OR9Q1: variants seen among roughly 807,000 people sequenced by gnomAD.
OR9Q1 encodes the protein olfactory receptor 9Q1.
For synonymous variants in OR9Q1, 153 were observed against 148.6 expected, an observed-to-expected ratio of 1.03 and a Z score of -0.22; for missense variants, 374 against 378.8, an observed-to-expected ratio of 0.99 and a Z score of 0.11.
chr11:58,027,558 T>C (rs561550208), intron 1 of OR9Q1, among the ~76,000 whole-genome samples: 6 of 152,212 alleles, frequency 3.9e-5, no homozygotes, highest in African/African-American at 1.4e-4. Flanking sequence ...TTAAATCTGA[T>C]CCTTTACAGA....
At chr11:58,092,194 T>C (rs1187893866) in intron 2 of OR9Q1, among the ~76,000 whole-genome samples, 1 of 152,184 alleles carries the variant, frequency 6.6e-6, no homozygotes, top group East Asian at 1.9e-4. Flanking sequence ...ATCATGATGC[T>C]AGCTGGTTAT....
chr11:58,150,693 T>A (rs926641118), intron 2 of OR9Q1, among the ~76,000 whole-genome samples: 1 of 152,212 alleles, frequency 6.6e-6, no homozygotes, highest in African/African-American at 2.4e-5. Context: ...TATATAAAAC[T>A]ATAGCACATA....
At chr11:58,064,523 C>T (rs761264646) in intron 2 of OR9Q1, among the ~76,000 whole-genome samples, 5 of 152,132 alleles carry the variant, frequency 3.3e-5, no homozygotes, top group Non-Finnish European at 5.9e-5. Flanking sequence ...CCTCCAACCA[C>T]GCCCAGGAGA....
intron 1 of OR9Q1, chr11:58,043,978 G>A (rs1166374296): frequency 6.6e-6 from 1 of 152,120 alleles, no homozygotes; most frequent in Non-Finnish European, 1.5e-5. Context: ...GGTGCCAGTT[G>A]ATATCTGTTG....
intron 1 of OR9Q1, among the ~76,000 whole-genome samples, chr11:58,037,667 ATATATATATATATATATATAT>A (rs1223898893): frequency 6.4e-4 from 4 of 6,232 alleles, no homozygotes; most frequent in Non-Finnish European, 2.0e-3. Context: ...ATATATATAT[ATATATATATATATATATATAT>A]ATTTTTTTTT....
At chr11:58,034,821 C>CCTTCCTTCCTTCCTTCCTTCCTTCCTTT (rs1565055262) in intron 1 of OR9Q1, among the ~76,000 whole-genome samples, 1 of 138,892 alleles carries the variant, frequency 7.2e-6, no homozygotes, top group Non-Finnish European at 1.5e-5. Context: ...TTCCTTCCTT[C>CCTTCCTTCCTTCCTTCCTTCCTTCCTTT]CTTGCTTCCT....
At chr11:58,093,952 C>T (rs11486271) in intron 2 of OR9Q1, among the ~76,000 whole-genome samples, 20 of 151,892 alleles carry the variant, frequency 1.3e-4, no homozygotes, top group African/African-American at 4.8e-4. Context: ...GATATCTACC[C>T]AAAGGAAAAG....
At chr11:58,090,515 A>C (rs1853674101) in intron 2 of OR9Q1, among the ~76,000 whole-genome samples, 1 of 152,156 alleles carries the variant, frequency 6.6e-6, no homozygotes, top group African/African-American at 2.4e-5. Flanking sequence ...GTGGTGGATA[A>C]GCTTTTTGAT....
intron 2 of OR9Q1, chr11:58,109,710 C>A (rs956111297): frequency 1.3e-5 from 5 of 388,812 alleles, no homozygotes; most frequent in Non-Finnish European, 2.5e-5. Flanking sequence ...AATTGAGATT[C>A]CAGAACTAAA....
intron 1 of OR9Q1, among the ~76,000 whole-genome samples, chr11:58,053,141 C>T (rs1019311227): frequency 6.6e-6 from 1 of 151,716 alleles, no homozygotes; most frequent in Non-Finnish European, 1.5e-5. Context: ...TATAAAGACA[C>T]ATGCACACGT....
intron 2 of OR9Q1, chr11:58,119,107 A>G (rs2120129604): frequency 6.2e-7 from 1 of 1,613,952 alleles, no homozygotes; most frequent in Non-Finnish European, 8.5e-7. Context: ...TGCCAGCAGA[A>G]AGCACTCTGT....
intron 2 of OR9Q1, among the ~76,000 whole-genome samples, chr11:58,068,222 C>T (rs1381439352): frequency 1.3e-5 from 2 of 151,662 alleles, no homozygotes; most frequent in African/African-American, 2.4e-5. Context: ...ATGGTAGGTG[C>T]CTGTAAATCC....
chr11:58,096,674 G>A (rs577957613), intron 2 of OR9Q1, among the ~76,000 whole-genome samples: 6 of 145,272 alleles, frequency 4.1e-5, no homozygotes, highest in African/African-American at 7.7e-5. Flanking sequence ...CATACACACC[G>A]GGCTAATTTT....
chr11:58,097,831 G>T (rs1194432695), intron 2 of OR9Q1, among the ~76,000 whole-genome samples: 1 of 152,152 alleles, frequency 6.6e-6, no homozygotes, highest in Admixed American at 6.5e-5. Context: ...AGATAATTAT[G>T]CTGAATAAAG....
chr11:58,155,094 G>C (rs1158359738), intron 2 of OR9Q1, among the ~76,000 whole-genome samples: 1 of 152,174 alleles, frequency 6.6e-6, no homozygotes, highest in Non-Finnish European at 1.5e-5. Context: ...ATATGATTGT[G>C]GGGGCTGGCA....
intron 1 of OR9Q1, among the ~76,000 whole-genome samples, chr11:58,038,813 T>C (rs1565056956): frequency 1.3e-5 from 2 of 152,190 alleles, no homozygotes; most frequent in African/African-American, 4.8e-5. Flanking sequence ...CTGGGATTTC[T>C]ATTTCGTTTT....
chr11:58,172,321 A>G (rs758259985), intron 2 of OR9Q1, among the ~76,000 whole-genome samples: 3 of 152,094 alleles, frequency 2.0e-5, no homozygotes, highest in Non-Finnish European at 4.4e-5. Flanking sequence ...CTAGACAGAA[A>G]GTTTTATAGC....
At chr11:58,050,084 T>C (rs1853258055) in intron 1 of OR9Q1, among the ~76,000 whole-genome samples, 1 of 31,326 alleles carries the variant, frequency 3.2e-5, no homozygotes. Context: ...CTTCACAGAA[T>C]TGGAAAAAAC....
chr11:58,026,885 T>G (rs1852979559), intron 1 of OR9Q1: 1 of 152,122 alleles, frequency 6.6e-6, no homozygotes, highest in South Asian at 2.1e-4. Flanking sequence ...CATTTAAAAA[T>G]TATTTTATTC....
Sources: gnomAD v4.1 joint callset for allele counts (sites outside exome capture counted in the v4.1 genomes callset) on GRCh38, gnomAD v4.1.1 for gene constraint, MANE v1.5 for transcripts, NCBI Gene and HGNC (gene_info 2026-07-23, HGNC 2026-07-21) for gene names.